AGBL1: variants seen among roughly 807,000 people sequenced by gnomAD.
AGBL1 encodes the protein cytosolic carboxypeptidase 4.
AGBL1 carries 130 observed loss-of-function variants against 118.9 expected under a neutral mutation model. The observed-to-expected ratio is 1.09, with a 90% CI of 0.95 to 1.26. AGBL1 has a LOEUF of 1.26. Ranked by LOEUF, AGBL1 falls within the 50% of genes most tolerant of loss-of-function variation. The pLI, the probability that AGBL1 is intolerant of heterozygous loss-of-function variation, is 0.00. For synonymous variants in AGBL1, 555 were observed against 478.9 expected (o/e 1.16, Z -2.08); for missense variants, 1,584 against 1,298.1 (o/e 1.22, Z -3.38).
intron 5 of AGBL1, among the ~76,000 whole-genome samples, chr15:86,223,360 C>G (rs1357653722): frequency 6.6e-6 from 1 of 152,162 alleles, no homozygotes; most frequent in Non-Finnish European, 1.5e-5. Flanking sequence ...TTCTTCTCTG[C>G]TCATTCATTT....
Position 86,900,756 on chromosome 15 carries a change from A to T in AGBL1, c.3159-6331A>T, listed in dbSNP as rs553600771. Reference sequence around the variant, plus strand: ...TCTGCCCAACCTTTTTACTGATAAGATGTTGAATATCTGGGTGAAAGATTG... The same window carrying T: ...TCTGCCCAACCTTTTTACTGATAAGTTGTTGAATATCTGGGTGAAAGATTG... On this transcript the variant is annotated intron_variant, in intron 22 of 22. Transcript: ENST00000614907. Among the ~76,000 whole-genome samples, 9 of 152,092 alleles carry T rather than the reference A, an allele frequency of 5.9e-5. No homozygotes were observed. The South Asian group carries it at 1.7e-3, about 28-fold the overall frequency.
At chr15:86,446,836 G>A (rs1031462543) in intron 18 of AGBL1, among the ~76,000 whole-genome samples, 1 of 152,182 alleles carries the variant, frequency 6.6e-6, no homozygotes, top group South Asian at 2.1e-4. Flanking sequence ...TATATTTACA[G>A]AGTTAGTTTC....
At chr15:86,616,354 A>AGT (rs369528867) in intron 21 of AGBL1, among the ~76,000 whole-genome samples, 1 of 145,078 alleles carries the variant, frequency 6.9e-6, no homozygotes, top group African/African-American at 2.6e-5. Context: ...AAAAAAAAAA[A>AGT]AAAAAAAAAA....
chr15:86,502,325 A>T (rs1205075468), intron 18 of AGBL1, among the ~76,000 whole-genome samples: 2 of 151,544 alleles, frequency 1.3e-5, no homozygotes, highest in African/African-American at 2.4e-5. Context: ...ATTACCTCTA[A>T]TTTTTTGTAG....
At chr15:86,394,227 T>C (rs1051631803) in intron 17 of AGBL1, among the ~76,000 whole-genome samples, 4 of 152,162 alleles carry the variant, frequency 2.6e-5, no homozygotes, top group African/African-American at 9.7e-5. Context: ...TAATTCACTA[T>C]GCTGTACTGT....
chr15:86,955,989 A>G lies in AGBL1; in HGVS notation c.3222-31998A>G, dbSNP rs182939777. ...CATTTTGGAATGAAATTAAGTATAC[A>G]TGTGCATGCTGTATCAAATCTGGGT... On this transcript the variant is annotated intron_variant, in intron 23 of 24. Transcript: ENST00000441037. Among the ~76,000 whole-genome samples, 12 of 152,290 alleles carry G rather than the reference A, an allele frequency of 7.9e-5. No individual in the cohort carries two copies. The East Asian group carries it at 1.5e-3, about 20-fold the overall frequency.
chr15:87,004,524 T>C (rs1380509652), intron 24 of AGBL1, among the ~76,000 whole-genome samples: 1 of 152,234 alleles, frequency 6.6e-6, no homozygotes, highest in Non-Finnish European at 1.5e-5. Flanking sequence ...TGCCTTTTTT[T>C]GTTTTCCATT....
At chr15:86,787,217 A>T (rs1474029015) in intron 22 of AGBL1, among the ~76,000 whole-genome samples, 2 of 152,092 alleles carry the variant, frequency 1.3e-5, no homozygotes, top group Non-Finnish European at 2.9e-5. Context: ...CATATCCATA[A>T]CCTTCCATAG....
intron 18 of AGBL1, among the ~76,000 whole-genome samples, chr15:86,416,566 T>A (rs1009027103): frequency 6.6e-6 from 1 of 151,160 alleles, no homozygotes; most frequent in South Asian, 2.1e-4. Flanking sequence ...GGGGAACACT[T>A]TTTTATAAAA....
At chr15:86,758,988 A>G in intron 22 of AGBL1, among the ~76,000 whole-genome samples, 1 of 151,648 alleles carries the variant, frequency 6.6e-6, no homozygotes, top group East Asian at 1.9e-4. Context: ...AAAAAAAGAA[A>G]AAAAAAAGAA....
intron 21 of AGBL1, among the ~76,000 whole-genome samples, chr15:86,646,719 A>G (rs998063525): frequency 8.5e-5 from 13 of 152,140 alleles, no homozygotes; most frequent in African/African-American, 3.1e-4. Context: ...CACAATTTCA[A>G]TTTTGCCATT....
chr15:86,886,374 C>A (rs534218970), intron 22 of AGBL1, among the ~76,000 whole-genome samples: 1 of 152,282 alleles, frequency 6.6e-6, no homozygotes, highest in East Asian at 1.9e-4. Context: ...GGTATGAATT[C>A]TCTTAAACAC....
At chr15:86,606,126 C>CAAAAAAAAAAAAAAAA (rs10675845) in intron 21 of AGBL1, among the ~76,000 whole-genome samples, 7 of 96,856 alleles carry the variant, frequency 7.2e-5, no homozygotes, top group African/African-American at 1.3e-4. Context: ...GACTCCATCT[C>CAAAAAAAAAAAAAAAA]AAAAAAAAAA....
chr15:86,529,641 C>T (rs1279880263), intron 19 of AGBL1, among the ~76,000 whole-genome samples: 1 of 137,804 alleles, frequency 7.3e-6, no homozygotes. Context: ...AGAGCAACTC[C>T]AAGACACATA....
chr15:86,825,997 G>T (rs4550420), intron 22 of AGBL1, among the ~76,000 whole-genome samples: 147,412 of 151,846 alleles, frequency 0.97, 71,570 homozygotes, highest in East Asian at 1. Flanking sequence ...AGAGATTCCA[G>T]GTACCTTTCA....
chr15:86,404,949 G>A (rs2081502445), intron 18 of AGBL1, among the ~76,000 whole-genome samples: 1 of 152,120 alleles, frequency 6.6e-6, no homozygotes, highest in African/African-American at 2.4e-5. Flanking sequence ...TGAAAAATGG[G>A]CCCTTAAGGG....
intron 17 of AGBL1, among the ~76,000 whole-genome samples, chr15:86,323,140 CT>C (rs1172464624): frequency 6.7e-6 from 1 of 148,368 alleles, no homozygotes; most frequent in African/African-American, 2.5e-5. Flanking sequence ...AGCACATTTT[CT>C]TTCTTAGGCC....
At chr15:86,178,603 A>C (rs2077513248) in intron 5 of AGBL1, among the ~76,000 whole-genome samples, 1 of 152,212 alleles carries the variant, frequency 6.6e-6, no homozygotes, top group African/African-American at 2.4e-5. Context: ...AATTATCCCC[A>C]CAAAGAAAAG....
intron 1 of AGBL1, among the ~76,000 whole-genome samples, chr15:86,136,764 T>C (rs2076894573): frequency 6.6e-6 from 1 of 152,112 alleles, no homozygotes; most frequent in African/African-American, 2.4e-5. Flanking sequence ...ACTTTCATAC[T>C]GTGGTGAGGA....
Sources: gnomAD v4.1 joint callset for allele counts (sites outside exome capture counted in the v4.1 genomes callset) on GRCh38, gnomAD v4.1.1 for gene constraint, MANE v1.5 for transcripts, NCBI Gene and HGNC (gene_info 2026-07-23, HGNC 2026-07-21) for gene names.